The following PCID2 variants were observed in gnomAD, a reference collection of about 807,000 sequenced individuals.
PCID2 encodes the protein PCI domain containing 2.
In PCID2, 41 loss-of-function variants were observed where a neutral mutation model predicts 61.3. The ratio of observed to expected loss-of-function variants is 0.67; its 90% confidence interval spans 0.52 to 0.87. PCID2 has a LOEUF of 0.87. Ranked by LOEUF, PCID2 falls within the 40% of genes least tolerant of loss-of-function variation. The probability of loss-of-function intolerance (pLI) is 0.00; values close to 1 mark genes in which losing one functional copy is unlikely to be tolerated. For missense variants in PCID2, 392 were observed against 493.4 expected, an observed-to-expected ratio of 0.79 and a Z score of 1.95; for synonymous variants, 187 against 177.8, an observed-to-expected ratio of 1.05 and a Z score of -0.41.
chr13:113,194,448 C>G (rs549485781), intron 6 of PCID2, among the ~76,000 whole-genome samples: 3 of 152,244 alleles, frequency 2.0e-5, no homozygotes, highest in Admixed American at 6.5e-5. Context: ...TCTCCACCTC[C>G]CATAGCCATG....
At chr13:113,172,200 C>A in the PCID2 span, 1 of 1,514,234 alleles carries the variant, frequency 6.6e-7, no homozygotes, top group South Asian at 1.2e-5. Flanking sequence ...TCATCACACA[C>A]TGAGAGGCCG....
chr13:113,202,339 CCT>C (rs1491009837), intron 1 of PCID2, among the ~76,000 whole-genome samples: 7 of 152,312 alleles, frequency 4.6e-5, no homozygotes, highest in African/African-American at 7.2e-5. Context: ...GAATTTCCCC[CCT>C]GACTATTCCA....
Position 113,179,961 on chromosome 13 carries a change from C to G in PCID2, c.942G>C (p.Leu314=). The G allele has an allele frequency of 6.2e-7, 1 of 1,613,938 alleles. No individual in the cohort carries two copies. Among genetic ancestry groups the G allele is most frequent in the Non-Finnish European group, 8.5e-7 (1 of 1,179,920 alleles). ...FFIRCGIFLI[L]EKLKIITYRN... is the part of the protein sequence containing the mutation. ...TGTAGGTGATGATCTTCAGCTTCTC[C>G]AGGATGAGGAAGATTCCGCAGCGAA... is the stretch of plus-strand genomic sequence containing the variant. Residue 314 remains leucine, a synonymous_variant, in exon 12 of 14, where the codon CTG becomes CTC. Coordinates refer to ENST00000337344, the MANE Select transcript of PCID2 (RefSeq NM_001127202.4). The surrounding 1 kb of genome is among the most constrained non-coding windows in gnomAD (Gnocchi z 4.3).
intron 2 of PCID2, among the ~76,000 whole-genome samples, chr13:113,199,003 C>A (rs1182414579): frequency 6.6e-6 from 1 of 152,206 alleles, no homozygotes; most frequent in Non-Finnish European, 1.5e-5. Flanking sequence ...CTGGGCTAGT[C>A]TAGCTGACAT....
downstream of PCID2, among the ~76,000 whole-genome samples, chr13:113,175,590 C>T (rs776794352): frequency 1.4e-4 from 22 of 152,310 alleles, no homozygotes; most frequent in Non-Finnish European, 2.5e-4. Flanking sequence ...AACAGATGCG[C>T]GCCCAAAGCC....
chr13:113,178,291 C>A lies in PCID2; in HGVS notation c.1111-4G>T, dbSNP rs200040694. ...ATATGTAGCCTTTGACGTGTCCCTGCGGGGCAGAAAGGGAGGAATGCGTTT... is the reference window on the plus strand; with the variant it reads ...ATATGTAGCCTTTGACGTGTCCCTGAGGGGCAGAAAGGGAGGAATGCGTTT... On this transcript the variant is annotated splice_region_variant and splice_polypyrimidine_tract_variant and intron_variant, in intron 13 of 13. Coordinates refer to ENST00000337344, the MANE Select transcript of PCID2 (RefSeq NM_001127202.4). 5.0e-6 allele frequency: 8 copies of A among 1,610,428 alleles called. No homozygotes were observed. Among genetic ancestry groups the A allele is most frequent in the Non-Finnish European group, 6.8e-6 (8 of 1,177,062 alleles).
intron 1 of PCID2, among the ~76,000 whole-genome samples, chr13:113,205,672 ACT>A (rs1300954868): frequency 6.6e-6 from 1 of 152,242 alleles, no homozygotes; most frequent in Non-Finnish European, 1.5e-5. Context: ...AGAACGACAC[ACT>A]GACACATGTT....
At chr13:113,171,885 G>C in the PCID2 span, 9 of 1,613,698 alleles carry the variant, frequency 5.6e-6, no homozygotes, top group Non-Finnish European at 7.6e-6. The surrounding 1 kb of genome is among the most constrained non-coding windows in gnomAD (Gnocchi z 5.1). Flanking sequence ...GAGGAGTGCG[G>C]GCAGGTCCTG....
At chr13:113,175,037 G>A (rs911166103), downstream of PCID2, among the ~76,000 whole-genome samples, 2 of 152,182 alleles carry the variant, frequency 1.3e-5, no homozygotes, top group Non-Finnish European at 1.5e-5. Flanking sequence ...CAGTGAGGGC[G>A]TCTAACGAGA....
chr13:113,206,440 G>A (rs1229470187), intron 1 of PCID2, among the ~76,000 whole-genome samples: 1 of 152,172 alleles, frequency 6.6e-6, no homozygotes, highest in Non-Finnish European at 1.5e-5. Context: ...AAGAAGGGAT[G>A]GATCTGAGAG....
At chr13:113,171,921 A>C in the PCID2 span, 2 of 1,613,804 alleles carry the variant, frequency 1.2e-6, no homozygotes, top group Non-Finnish European at 1.7e-6. This position sits in a 1 kb window ranked among gnomAD's most constrained non-coding sequence, Gnocchi z 5.1. Context: ...ACCAGGACCT[A>C]CTGTGAGAGA....
intron 6 of PCID2, 126 bp from the exon 7 acceptor site, chr13:113,191,101 TC>T: frequency 1.9e-6 from 1 of 528,856 alleles, no homozygotes; most frequent in South Asian, 3.4e-5. Flanking sequence ...CCACTGATCT[TC>T]CCATCTCAGC....
Position 113,200,506 on chromosome 13 carries a change from G to T in PCID2, c.47C>A (p.Ala16Asp). Residue 16 changes from alanine (A) to aspartate (D), a missense_variant, in exon 2 of 14, where the codon GCC becomes GAC. Coordinates refer to ENST00000337344, the MANE Select transcript of PCID2 (RefSeq NM_001127202.4). Reference sequence around the variant, plus strand: ...AGATGCTCCATCTCTGCTGTCGATGGCTTCGTACACCTGAAACATTTGAAA... The same window carrying T: ...AGATGCTCCATCTCTGCTGTCGATGTCTTCGTACACCTGAAACATTTGAAA... ...INQYLQQVYE[A>D]IDSRDGASCA... is the part of the protein sequence containing the mutation. 1 of 1,609,008 alleles carries T rather than the reference G, an allele frequency of 6.2e-7. No individual in the cohort carries two copies. The highest frequency in any genetic ancestry group is 2.2e-5 in the East Asian group (1 of 44,844).
At chr13:113,176,483 C>T (rs911937152), downstream of PCID2, among the ~76,000 whole-genome samples, 25 of 152,314 alleles carry the variant, frequency 1.6e-4, no homozygotes, top group Admixed American at 2.6e-4. Context: ...GGAAGAGAGC[C>T]GGGTGTGGTG....
At position 113,196,200 on chromosome 13, in the gene PCID2, C is replaced by G; in HGVS notation, c.289G>C (p.Ala97Pro). The G allele has an allele frequency of 6.2e-7, 1 of 1,602,528 alleles. No individual in the cohort carries two copies. Among genetic ancestry groups the G allele is most frequent in the Non-Finnish European group, 8.5e-7 (1 of 1,171,298 alleles). The change falls in exon 5 of 14, where the codon GCC becomes CCC. Residue 97 changes from alanine (A) to proline (P), a missense_variant. Transcript: ENST00000337344. ...IVQSFLRAFQAHKEENWALPV... is the reference protein window; with the variant it reads ...IVQSFLRAFQPHKEENWALPV... ...ACTTACCAGTTTTCTTCTTTGTGGGCCTGGAATGCTCGCAAGAATGATGTA... is the reference window on the plus strand; with the variant it reads ...ACTTACCAGTTTTCTTCTTTGTGGGGCTGGAATGCTCGCAAGAATGATGTA...
At position 113,208,583 on chromosome 13, in the gene PCID2, C is replaced by G; in HGVS notation, c.36+16G>C. 1 of 1,607,312 alleles carries G rather than the reference C, an allele frequency of 6.2e-7. No homozygotes were observed. The highest frequency in any genetic ancestry group is 8.5e-7 in the Non-Finnish European group (1 of 1,177,546). ...GGGCCAACCACGCCGCCGCGCGCTC[C>G]CCGGCTAGGACCCACCTGCTGCAGG... is the stretch of plus-strand genomic sequence containing the variant. On this transcript the variant is annotated intron_variant, in intron 1 of 13. Coordinates refer to ENST00000337344, the MANE Select transcript of PCID2 (RefSeq NM_001127202.4).
intron 7 of PCID2, 36 bp downstream of exon 7, chr13:113,190,836 C>T: frequency 1.5e-6 from 2 of 1,290,388 alleles, no homozygotes; most frequent in Non-Finnish European, 2.2e-6. Flanking sequence ...ACACCACCAA[C>T]AGCGTCTGGT....
chr13:113,183,665 A>G, intron 9 of PCID2: 1 of 591,320 alleles, frequency 1.7e-6, no homozygotes. Flanking sequence ...TGCTCCACAA[A>G]CAGCTGAAGA....
chr13:113,179,134 C>T lies in PCID2; in HGVS notation c.987-45G>A, dbSNP rs1041742378. Reference sequence around the variant, plus strand: ...GGGCACTGTGGTTACCGACAGGATGCAATACTCCACAGCCAAGAAAAGGCA... The same window carrying T: ...GGGCACTGTGGTTACCGACAGGATGTAATACTCCACAGCCAAGAAAAGGCA... On this transcript the variant is annotated intron_variant, in intron 12 of 13. Coordinates refer to ENST00000337344, the MANE Select transcript of PCID2 (RefSeq NM_001127202.4). The surrounding 1 kb of genome is among the most constrained non-coding windows in gnomAD (Gnocchi z 4.3). 2.5e-6 allele frequency: 4 copies of T among 1,574,826 alleles called. No homozygotes were observed. In the African/African-American group the frequency reaches 5.5e-5, roughly 21 times the overall value.
Sources: gnomAD v4.1 joint callset for allele counts (sites outside exome capture counted in the v4.1 genomes callset) on GRCh38, gnomAD v4.1.1 for gene constraint, Gnocchi (gnomAD v3.1) non-coding constraint, MANE v1.5 for transcripts, NCBI Gene and HGNC (gene_info 2026-07-23, HGNC 2026-07-21) for gene names.